IL5RA: variants seen among roughly 807,000 people sequenced by gnomAD.
IL5RA encodes interleukin 5 receptor subunit alpha.
IL5RA carries 49 observed loss-of-function variants against 50.0 expected under a neutral mutation model. The ratio of observed to expected loss-of-function variants is 0.98; its 90% confidence interval spans 0.78 to 1.24. The LOEUF (loss-of-function observed/expected upper bound fraction) is 1.24, where lower values mean the gene tolerates loss of function less well. Ranked by LOEUF, IL5RA falls within the 50% of genes most tolerant of loss-of-function variation. IL5RA has a pLI of 0.00. For synonymous variants in IL5RA, 202 were observed against 174.0 expected (o/e 1.16, Z -1.26); for missense variants, 600 against 500.4 (o/e 1.20, Z -1.90).
chr3:3,100,523 A>G (rs1234268513), intron 5 of IL5RA, among the ~76,000 whole-genome samples: 1 of 152,254 alleles, frequency 6.6e-6, no homozygotes, highest in Admixed American at 6.5e-5. Context: ...ACACCCAAGT[A>G]CACTTTAGAG....
At chr3:3,074,424 A>G (rs1197503728) in intron 11 of IL5RA, among the ~76,000 whole-genome samples, 2 of 152,228 alleles carry the variant, frequency 1.3e-5, no homozygotes. Flanking sequence ...AAGAACACTT[A>G]TAACTCAGTA....
At position 3,067,146 on chromosome 3, in the gene IL5RA, C is replaced by G. The variant is rs1360221446; in HGVS notation, c.*3079G>C. ...AGTATAGACCACTCACAGTGAGCCA[C>G]TTCTGAAATGCCTCTTACACAGCAA... On this transcript the variant is annotated 3_prime_UTR_variant, in exon 12 of 12. Transcript: ENST00000446632. 1 of 152,254 alleles carries G rather than the reference C, an allele frequency of 6.6e-6. No homozygotes were observed. Among genetic ancestry groups the G allele is most frequent in the African/African-American group, 2.4e-5 (1 of 41,470 alleles). The allele number at this position is 152,254 out of a possible 1,614,324, so 9.4% of individuals were successfully genotyped here. A position where few individuals can be genotyped will look rare whatever the true frequency, so the allele number is the denominator to read the frequency against.
rs1444105943 is a variant in IL5RA at position 3,108,535 on chromosome 3, T to C, written c.-4+15A>G. 1 of 152,266 alleles carries C rather than the reference T, an allele frequency of 6.6e-6. No individual in the cohort carries two copies. The highest frequency in any genetic ancestry group is 1.5e-5 in the Non-Finnish European group (1 of 68,052). 9.4% of individuals were successfully genotyped at this position (152,266 alleles called of 1,614,324 possible). ...GGTGCAATTTGTCATCTCACATCCA[T>C]GCTCCTGGGCGTACCTGTCTACAGA... On this transcript the variant is annotated intron_variant, in intron 2 of 11. Coordinates refer to ENST00000446632, the MANE Select transcript of IL5RA (RefSeq NM_175726.4).
Position 3,092,295 on chromosome 3 carries a change from A to G in IL5RA, c.923T>C (p.Val308Ala), listed in dbSNP as rs1354370153. Residue 308 changes from valine (V) to alanine (A), a missense_variant, in exon 9 of 12, where the codon GTG (valine) becomes GCG (alanine). By Grantham distance (64) the Val-to-Ala change is moderately conservative (BLOSUM62 0). Coordinates refer to ENST00000446632, the MANE Select transcript of IL5RA (RefSeq NM_175726.4). This position sits in a 1 kb window ranked among gnomAD's most constrained non-coding sequence, Gnocchi z 4.2. ...IDDLSKYDVQVRAAVSSMCRE... is the reference protein window; with the variant it reads ...IDDLSKYDVQARAAVSSMCRE... ...GCACATGGAGCTCACTGCTGCTCTC[A>G]CTTGAACATCGTACTTAGAAAGATC... 1.2e-6 allele frequency: 2 copies of G among 1,613,986 alleles called. No individual in the cohort carries two copies. The highest frequency in any genetic ancestry group is 8.5e-7 in the Non-Finnish European group (1 of 1,180,004).
intron 3 of IL5RA, among the ~76,000 whole-genome samples, chr3:3,104,021 C>G (rs187485738): frequency 6.6e-6 from 1 of 152,172 alleles, no homozygotes; most frequent in Non-Finnish European, 1.5e-5. Context: ...CAACTTGTGG[C>G]TATTGAAATT....
intron 7 of IL5RA, 137 bp downstream of exon 7, chr3:3,097,733 C>G (rs555001222): frequency 1.1e-6 from 1 of 897,788 alleles, no homozygotes; most frequent in South Asian, 1.8e-5. Context: ...AACCTTGCCC[C>G]AGTGGTTTTC....
At chr3:3,103,960 G>A (rs1235473659) in intron 3 of IL5RA, among the ~76,000 whole-genome samples, 1 of 152,160 alleles carries the variant, frequency 6.6e-6, no homozygotes, top group African/African-American at 2.4e-5. Flanking sequence ...TACCACATGA[G>A]GACTTTTAGA....
chr3:3,099,906 G>A (rs1002736371), intron 5 of IL5RA, among the ~76,000 whole-genome samples: 1 of 152,066 alleles, frequency 6.6e-6, no homozygotes, highest in African/African-American at 2.4e-5. Context: ...TTAACCTCAA[G>A]TGATCTACCC....
Position 3,092,238 on chromosome 3 carries a change from TGGC to T in IL5RA, c.977_979del (p.Ser326_Gln327delinsLys), listed in dbSNP as rs748391322. The T allele has an allele frequency of 1.2e-6, 2 of 1,613,828 alleles. No individual in the cohort carries two copies. The highest frequency in any genetic ancestry group is 3.3e-5 in the Admixed American group (2 of 59,946). ...AAGCTACTTACCCACATAAATAGGTTGGCTCCACTCACTCCAGAGCCCTGCCTC... is the reference window on the plus strand; with the variant it reads ...AAGCTACTTACCCACATAAATAGGTTTCCACTCACTCCAGAGCCCTGCCTC... On this transcript the variant is annotated inframe_deletion, in exon 9 of 12. Transcript: ENST00000446632. This position sits in a 1 kb window ranked among gnomAD's most constrained non-coding sequence, Gnocchi z 4.2.
chr3:3,070,123 G>T lies in IL5RA; in HGVS notation c.*102C>A. On this transcript the variant is annotated 3_prime_UTR_variant, in exon 12 of 12. Transcript: ENST00000446632. ...TTGCTTCGCAGGTAAATTGAGTGTT[G>T]CCTAAATTCTGAACACCTCTTAGCC... is the stretch of plus-strand genomic sequence containing the variant. 1.4e-6 allele frequency: 1 copy of T among 720,868 alleles called. No individual in the cohort carries two copies. The highest frequency in any genetic ancestry group is 1.8e-5 in the South Asian group (1 of 57,136). 44.7% of individuals were successfully genotyped at this position (720,868 alleles called of 1,614,324 possible). A position where few individuals can be genotyped will look rare whatever the true frequency, so the allele number is the denominator to read the frequency against.
chr3:3,084,672 G>A (rs937407591), intron 9 of IL5RA, among the ~76,000 whole-genome samples: 28 of 152,134 alleles, frequency 1.8e-4, no homozygotes, highest in African/African-American at 5.8e-4. Context: ...AATAGCCCCC[G>A]GGGCAATGGA....
At chr3:3,102,531 A>C in intron 4 of IL5RA, 144 bp downstream of exon 4, 1 of 571,190 alleles carries the variant, frequency 1.8e-6, no homozygotes, top group Non-Finnish European at 3.0e-6. Context: ...AGGCATTCTT[A>C]GAGAGACACT....
chr3:3,087,419 A>G (rs1051496794), intron 9 of IL5RA, among the ~76,000 whole-genome samples: 29 of 152,140 alleles, frequency 1.9e-4, no homozygotes, highest in African/African-American at 7.0e-4. Context: ...AGCTCACCTT[A>G]TCTCATCAAT....
rs111722811 is a variant in IL5RA at position 3,089,418 on chromosome 3, C to T, written c.994+2806G>A. On this transcript the variant is annotated intron_variant, in intron 9 of 11. Transcript: ENST00000446632. Reference sequence around the variant, plus strand: ...GAAATCTACCTGCTGTGTGTCAGATCGGAGTCATTTTCACATGGGCTGATG... The same window carrying T: ...GAAATCTACCTGCTGTGTGTCAGATTGGAGTCATTTTCACATGGGCTGATG... 2.8e-3 allele frequency among the ~76,000 whole-genome samples: 425 copies of T among 152,300 alleles called. 1 individual carries two copies. Among genetic ancestry groups the T allele is most frequent in the African/African-American group, 8.1e-3 (336 of 41,564 alleles).
chr3:3,096,900 A>G (rs1168298165), intron 7 of IL5RA, among the ~76,000 whole-genome samples: 3 of 152,230 alleles, frequency 2.0e-5, no homozygotes, highest in African/African-American at 2.4e-5. Context: ...CTTTATCATT[A>G]GTAACACAAT....
chr3:3,106,077 T>C (rs1175909370), intron 2 of IL5RA, among the ~76,000 whole-genome samples: 3 of 152,104 alleles, frequency 2.0e-5, no homozygotes, highest in Admixed American at 1.3e-4. Flanking sequence ...TTCCTACCCA[T>C]GAAGGAAAGG....
chr3:3,095,379 C>T lies in IL5RA; in HGVS notation c.775G>A (p.Glu259Lys), dbSNP rs1401230120. Reference sequence around the variant, plus strand: ...ATTGGAAAAGCAGACACTGGTTTCTCCCATTGGATAGAGAGACGAGTTCCT... The same window carrying T: ...ATTGGAAAAGCAGACACTGGTTTCTTCCATTGGATAGAGAGACGAGTTCCT... ...IEGTRLSIQW[E>K]KPVSAFPIHC... Residue 259 changes from glutamate (E) to lysine (K), a missense_variant, in exon 8 of 12, where the codon GAG becomes AAG. By Grantham distance (56) the Glu-to-Lys change is moderately conservative (BLOSUM62 1). Transcript: ENST00000446632. 1 of 1,610,554 alleles carries T rather than the reference C, an allele frequency of 6.2e-7. No individual in the cohort carries two copies. The highest frequency in any genetic ancestry group is 1.7e-5 in the Admixed American group (1 of 60,002).
At chr3:3,093,273 C>A (rs185333284) in intron 8 of IL5RA, among the ~76,000 whole-genome samples, 80 of 152,260 alleles carry the variant, frequency 5.3e-4, no homozygotes, top group Admixed American at 1.8e-3. Flanking sequence ...CTGAAAGAAC[C>A]ATACTCTCTC....
chr3:3,103,022 A>G (rs1703728710), intron 3 of IL5RA: 1 of 435,862 alleles, frequency 2.3e-6, no homozygotes, highest in East Asian at 4.2e-5. Context: ...CTACAGGCGC[A>G]TGCCACCATG....
Sources: allele counts gnomAD v4.1 joint callset (sites outside exome capture counted in the v4.1 genomes callset), GRCh38; gene constraint gnomAD v4.1.1; non-coding constraint Gnocchi (gnomAD v3.1); transcripts MANE v1.5; gene names NCBI Gene and HGNC (gene_info 2026-07-23, HGNC 2026-07-21).